The following TNFSF4 variants were observed in gnomAD, a reference collection of about 807,000 sequenced individuals.
TNFSF4 encodes tumor necrosis factor ligand superfamily member 4.
Under a neutral mutation model 7.3 loss-of-function variants are expected in TNFSF4, and 4 were observed. That is an observed-to-expected ratio of 0.55 (90% CI 0.27 to 1.25). TNFSF4 has a LOEUF of 1.25. Among genes scored for constraint, TNFSF4 ranks in the 50% most tolerant of loss-of-function variants. TNFSF4 has a pLI of 0.12. For missense variants in TNFSF4, 181 were observed against 208.8 expected, an observed-to-expected ratio of 0.87 and a Z score of 0.82; for synonymous variants, 76 against 83.7, an observed-to-expected ratio of 0.91 and a Z score of 0.50.
the TNFSF4 span, among the ~76,000 whole-genome samples, chr1:173,430,922 G>A: frequency 6.6e-6 from 1 of 152,328 alleles, no homozygotes; most frequent in South Asian, 2.1e-4. Flanking sequence ...CCAGGCCTGT[G>A]AGAAAGCCTT....
the TNFSF4 span, among the ~76,000 whole-genome samples, chr1:173,418,817 T>C: frequency 1.3e-5 from 2 of 152,116 alleles, no homozygotes; most frequent in Non-Finnish European, 2.9e-5. Context: ...GATCCCAACA[T>C]GTCCCAGAGG....
the TNFSF4 span, among the ~76,000 whole-genome samples, chr1:173,314,533 C>T: frequency 1.3e-5 from 2 of 152,074 alleles, no homozygotes; most frequent in Admixed American, 1.3e-4. Context: ...ATTTTGCATA[C>T]TTCTATTATC....
At chr1:173,416,232 GT>G in the TNFSF4 span, among the ~76,000 whole-genome samples, 4 of 152,176 alleles carry the variant, frequency 2.6e-5, no homozygotes, top group Non-Finnish European at 4.4e-5. Flanking sequence ...GCTGTGGGTG[GT>G]CTGCCCAATA....
the TNFSF4 span, among the ~76,000 whole-genome samples, chr1:173,353,272 C>A: frequency 6.6e-6 from 1 of 152,132 alleles, no homozygotes; most frequent in Non-Finnish European, 1.5e-5. Flanking sequence ...ACGAAATCTT[C>A]ATGATTTATG....
the TNFSF4 span, among the ~76,000 whole-genome samples, chr1:173,448,503 C>T: frequency 6.6e-6 from 1 of 151,794 alleles, no homozygotes; most frequent in African/African-American, 2.4e-5. Context: ...TGGGCTGAGT[C>T]CGAAAAGAGA....
downstream of TNFSF4, among the ~76,000 whole-genome samples, chr1:173,179,174 G>A (rs893156781): frequency 1.3e-5 from 2 of 152,162 alleles, no homozygotes; most frequent in Non-Finnish European, 1.5e-5. Flanking sequence ...TTTTACAGCA[G>A]ATATAGAAAA....
chr1:173,388,594 G>C, the TNFSF4 span, among the ~76,000 whole-genome samples: 1 of 152,108 alleles, frequency 6.6e-6, no homozygotes. Context: ...ATATCACAAC[G>C]GACTGGATGC....
the TNFSF4 span, among the ~76,000 whole-genome samples, chr1:173,173,760 G>T: frequency 3.9e-5 from 6 of 152,244 alleles, no homozygotes; most frequent in Non-Finnish European, 8.8e-5. Context: ...GGGACACAGG[G>T]CACCATGTCC....
chr1:173,299,301 T>C, the TNFSF4 span, among the ~76,000 whole-genome samples: 2 of 151,868 alleles, frequency 1.3e-5, no homozygotes, highest in African/African-American at 2.4e-5. Context: ...TGAAAGCTGC[T>C]TTGCCCAAGA....
the TNFSF4 span, among the ~76,000 whole-genome samples, chr1:173,313,906 C>A: frequency 6.6e-6 from 1 of 151,972 alleles, no homozygotes; most frequent in Non-Finnish European, 1.5e-5. Flanking sequence ...ATAATAGGGA[C>A]ATTTTGAATA....
chr1:173,303,978 G>C, the TNFSF4 span, among the ~76,000 whole-genome samples: 2 of 151,828 alleles, frequency 1.3e-5, no homozygotes, highest in Middle Eastern at 3.2e-3. Context: ...TCAGAAGAAA[G>C]ATATATTGCT....
At chr1:173,220,737 C>A in the TNFSF4 span, among the ~76,000 whole-genome samples, 1 of 152,176 alleles carries the variant, frequency 6.6e-6, no homozygotes, top group East Asian at 1.9e-4. Flanking sequence ...CCTCACCAGA[C>A]AATGAATCTT....
chr1:173,393,089 G>C, the TNFSF4 span, among the ~76,000 whole-genome samples: 1 of 152,134 alleles, frequency 6.6e-6, no homozygotes, highest in Non-Finnish European at 1.5e-5. Context: ...ATGTAGGCTT[G>C]GGTAGGAATG....
chr1:173,211,230 A>T (rs1650365077), upstream of TNFSF4, among the ~76,000 whole-genome samples: 1 of 152,248 alleles, frequency 6.6e-6, no homozygotes, highest in South Asian at 2.1e-4. Context: ...GACAAGTGAT[A>T]GAGTGATGTC....
chr1:173,350,920 GT>G, the TNFSF4 span, among the ~76,000 whole-genome samples: 1 of 152,180 alleles, frequency 6.6e-6, no homozygotes, highest in African/African-American at 2.4e-5. Flanking sequence ...GAAGATGAGG[GT>G]ATGGAAAAGC....
the TNFSF4 span, among the ~76,000 whole-genome samples, chr1:173,336,210 T>C: frequency 2.6e-5 from 4 of 152,128 alleles, no homozygotes; most frequent in African/African-American, 9.7e-5. Context: ...CCAGAAGCAA[T>C]ACTGGATTCC....
the TNFSF4 span, among the ~76,000 whole-genome samples, chr1:173,285,185 A>G: frequency 6.6e-6 from 1 of 152,130 alleles, no homozygotes; most frequent in Admixed American, 6.6e-5. Context: ...TCAAGACTTC[A>G]CCGGAGGAAG....
intron 1 of TNFSF4, 62 bp from the exon 2 acceptor site, chr1:173,188,631 C>T (rs1251518330): frequency 2.2e-6 from 3 of 1,379,176 alleles, no homozygotes; most frequent in Admixed American, 3.4e-5. Flanking sequence ...ATTCGCAAGT[C>T]ATATTTAATG....
At chr1:173,209,554 G>C (rs1037384723), upstream of TNFSF4, among the ~76,000 whole-genome samples, 1 of 152,058 alleles carries the variant, frequency 6.6e-6, no homozygotes, top group Non-Finnish European at 1.5e-5. Flanking sequence ...GCCCAGGCTG[G>C]AGTAGAGTAG....
Sources: gnomAD v4.1 joint callset for allele counts (sites outside exome capture counted in the v4.1 genomes callset) on GRCh38, gnomAD v4.1.1 for gene constraint, MANE v1.5 for transcripts, NCBI Gene and HGNC (gene_info 2026-07-23, HGNC 2026-07-21) for gene names.